Variants in SPMIP2 observed in about 807,000 individuals in gnomAD.
SPMIP2 encodes the protein protein SPMIP2.
At chr4:159,048,939 C>T in the SPMIP2 span, among the ~76,000 whole-genome samples, 1 of 151,348 alleles carries the variant, frequency 6.6e-6, no homozygotes, top group Non-Finnish European at 1.5e-5. Context: ...TTTTTTGAAT[C>T]GGAGTATAAA....
At chr4:159,066,506 A>G in the SPMIP2 span, among the ~76,000 whole-genome samples, 1 of 151,190 alleles carries the variant, frequency 6.6e-6, no homozygotes, top group Non-Finnish European at 1.5e-5. Context: ...GAATGTATGT[A>G]TGTGTGTGTG....
chr4:158,898,172 C>T, the SPMIP2 span, among the ~76,000 whole-genome samples: 1 of 152,016 alleles, frequency 6.6e-6, no homozygotes, highest in African/African-American at 2.4e-5. Context: ...ATTTCTGAGG[C>T]CTCAGTTCTG....
chr4:158,986,015 G>A, the SPMIP2 span, among the ~76,000 whole-genome samples: 17 of 147,034 alleles, frequency 1.2e-4, no homozygotes, highest in Middle Eastern at 0.021. Context: ...GCCAAATCAT[G>A]AGTGAATTCC....
At chr4:158,917,372 A>G in the SPMIP2 span, among the ~76,000 whole-genome samples, 1 of 151,992 alleles carries the variant, frequency 6.6e-6, no homozygotes, top group African/African-American at 2.4e-5. Flanking sequence ...GGTTGCAGTG[A>G]GCTGAGATCA....
the SPMIP2 span, among the ~76,000 whole-genome samples, chr4:158,947,116 G>A: frequency 2.6e-5 from 4 of 152,070 alleles, no homozygotes; most frequent in South Asian, 2.1e-4. Context: ...AGACCTAAGG[G>A]GCCAAAGTAA....
At chr4:158,982,578 A>G in the SPMIP2 span, among the ~76,000 whole-genome samples, 1 of 152,148 alleles carries the variant, frequency 6.6e-6, no homozygotes, top group African/African-American at 2.4e-5. Context: ...CTCACTCAAA[A>G]CCGCACAACT....
chr4:159,032,799 TA>T, the SPMIP2 span, among the ~76,000 whole-genome samples: 1 of 141,324 alleles, frequency 7.1e-6, no homozygotes, highest in Non-Finnish European at 1.6e-5. Flanking sequence ...TTTTTTTTGG[TA>T]AAAAAGTCAA....
At chr4:158,893,571 C>T in the SPMIP2 span, 12 of 717,728 alleles carry the variant, frequency 1.7e-5, no homozygotes, top group Non-Finnish European at 2.3e-5. Context: ...TAAGCTGAAG[C>T]GTACTCTTGC....
At chr4:158,955,277 AAG>A in the SPMIP2 span, among the ~76,000 whole-genome samples, 1 of 152,210 alleles carries the variant, frequency 6.6e-6, no homozygotes, top group South Asian at 2.1e-4. Context: ...TGAGCAACCT[AAG>A]AGTAAGGACT....
At chr4:158,982,581 G>T in the SPMIP2 span, among the ~76,000 whole-genome samples, 1 of 152,050 alleles carries the variant, frequency 6.6e-6, no homozygotes, top group East Asian at 1.9e-4. Flanking sequence ...ACTCAAAACC[G>T]CACAACTACC....
At chr4:158,932,176 T>C in the SPMIP2 span, among the ~76,000 whole-genome samples, 1 of 152,108 alleles carries the variant, frequency 6.6e-6, no homozygotes, top group South Asian at 2.1e-4. Context: ...GCAGTGTTCT[T>C]TTAAGGAAGA....
chr4:158,894,170 CTTTT>C, the SPMIP2 span, among the ~76,000 whole-genome samples: 18 of 127,460 alleles, frequency 1.4e-4, no homozygotes, highest in South Asian at 1.0e-3. Context: ...AAAATGTTTT[CTTTT>C]TTTTTTTTTT....
the SPMIP2 span, among the ~76,000 whole-genome samples, chr4:158,996,220 C>A: frequency 2.0e-5 from 3 of 152,122 alleles, no homozygotes; most frequent in African/African-American, 2.4e-5. Context: ...AAGGCAGAAT[C>A]AAAAATTTTG....
chr4:158,925,565 G>A, the SPMIP2 span, among the ~76,000 whole-genome samples: 1 of 152,112 alleles, frequency 6.6e-6, no homozygotes, highest in Non-Finnish European at 1.5e-5. Flanking sequence ...CAGATCCTCA[G>A]GCATTACTTA....
chr4:159,054,246 G>T, the SPMIP2 span, among the ~76,000 whole-genome samples: 3 of 152,122 alleles, frequency 2.0e-5, no homozygotes, highest in South Asian at 6.2e-4. Flanking sequence ...ACCTCCCAAA[G>T]TGTTGGGATT....
chr4:159,052,608 G>A, the SPMIP2 span, among the ~76,000 whole-genome samples: 1 of 135,492 alleles, frequency 7.4e-6, no homozygotes, highest in Non-Finnish European at 1.6e-5. Context: ...ATTATCTCAA[G>A]ACTATTATTA....
At chr4:159,043,497 A>C in the SPMIP2 span, among the ~76,000 whole-genome samples, 2 of 152,000 alleles carry the variant, frequency 1.3e-5, no homozygotes, top group Non-Finnish European at 2.9e-5. Flanking sequence ...ACCAGCACCC[A>C]CCACCTTGCC....
chr4:158,961,013 A>G, the SPMIP2 span, among the ~76,000 whole-genome samples: 1 of 152,144 alleles, frequency 6.6e-6, no homozygotes, highest in East Asian at 1.9e-4. Context: ...AGCATGGGGA[A>G]TAAAAGTGTC....
At chr4:158,895,831 C>G in the SPMIP2 span, 3 of 1,613,092 alleles carry the variant, frequency 1.9e-6, no homozygotes, top group African/African-American at 2.7e-5. Context: ...GGGACACACA[C>G]GAGTCCATGT....
Sources: allele counts gnomAD v4.1 joint callset (sites outside exome capture counted in the v4.1 genomes callset), GRCh38; gene constraint gnomAD v4.1.1; transcripts MANE v1.5; gene names NCBI Gene and HGNC (gene_info 2026-07-23, HGNC 2026-07-21).